Variants in EPHA6 observed in about 807,000 individuals in gnomAD.
EPHA6 encodes the protein EPH receptor A6.
EPHA6 carries 50 observed loss-of-function variants against 112.0 expected under a neutral mutation model. That is an observed-to-expected ratio of 0.45 (90% CI 0.36 to 0.56). EPHA6 has a LOEUF of 0.56. Ranked by LOEUF, EPHA6 falls within the 20% of genes least tolerant of loss-of-function variation. The pLI is 0.00. For synonymous variants in EPHA6, 529 were observed against 490.7 expected, an observed-to-expected ratio of 1.08 and a Z score of -1.03; for missense variants, 1,280 against 1,417.4, an observed-to-expected ratio of 0.90 and a Z score of 1.56.
At chr3:97,059,365 G>A (rs2045948521) in intron 3 of EPHA6, among the ~76,000 whole-genome samples, 1 of 152,064 alleles carries the variant, frequency 6.6e-6, no homozygotes, top group Admixed American at 6.5e-5. Flanking sequence ...AGACCCCTTA[G>A]GGCATTCCTG....
At chr3:97,170,426 T>C in intron 3 of EPHA6, among the ~76,000 whole-genome samples, 1 of 152,132 alleles carries the variant, frequency 6.6e-6, no homozygotes, top group Non-Finnish European at 1.5e-5. Context: ...AGTTTAAGGC[T>C]TGTGCTGAAA....
chr3:97,385,856 C>A (rs1559945100), intron 5 of EPHA6, among the ~76,000 whole-genome samples: 1 of 152,120 alleles, frequency 6.6e-6, no homozygotes, highest in Non-Finnish European at 1.5e-5. Context: ...GTTAAACAAC[C>A]AGATCTTGTG....
chr3:96,919,814 C>G lies in EPHA6; in HGVS notation c.450+52925C>G, dbSNP rs536186853. Among the ~76,000 whole-genome samples, 5 of 151,656 alleles carry G rather than the reference C, an allele frequency of 3.3e-5. No homozygotes were observed. The South Asian group carries it at 1.0e-3, about 32-fold the overall frequency. On this transcript the variant is annotated intron_variant, in intron 2 of 17. Transcript: ENST00000389672. ...TTCTTTATTTTTCATTCTGTTAGTT[C>G]CAAGTGTTATTTAACTTTACAGGAG...
chr3:96,910,346 G>A (rs541552380), intron 2 of EPHA6, among the ~76,000 whole-genome samples: 3 of 152,080 alleles, frequency 2.0e-5, no homozygotes, highest in South Asian at 4.1e-4. Context: ...TCCTTGCCTG[G>A]CAGTTGCCTG....
At chr3:97,612,588 A>G (rs999601285) in intron 13 of EPHA6, 3 of 220,162 alleles carry the variant, frequency 1.4e-5, no homozygotes, top group Admixed American at 1.0e-4. Flanking sequence ...TTTACTTCTA[A>G]ACATCTTACT....
intron 3 of EPHA6, among the ~76,000 whole-genome samples, chr3:97,130,853 T>C (rs1396540900): frequency 1.3e-5 from 2 of 152,162 alleles, no homozygotes; most frequent in East Asian, 3.8e-4. Flanking sequence ...TTCACCCTTA[T>C]TATAAACAAA....
intron 3 of EPHA6, among the ~76,000 whole-genome samples, chr3:97,215,610 C>CAA (rs11340632): frequency 5.4e-4 from 66 of 122,162 alleles, no homozygotes; most frequent in Middle Eastern, 4.7e-3. Context: ...AACTTTGTCT[C>CAA]AAAAAAAAAA....
At chr3:97,375,189 T>C (rs1175393943) in intron 5 of EPHA6, among the ~76,000 whole-genome samples, 1 of 152,138 alleles carries the variant, frequency 6.6e-6, no homozygotes, top group Non-Finnish European at 1.5e-5. Flanking sequence ...CTGGTCATCC[T>C]ATTACAAAGG....
chr3:96,900,000 G>C (rs1167355876), intron 2 of EPHA6, among the ~76,000 whole-genome samples: 15 of 152,210 alleles, frequency 9.9e-5, no homozygotes, highest in Non-Finnish European at 7.4e-5. Flanking sequence ...CTACTGGGAG[G>C]CTTTGATTTA....
At chr3:96,868,403 T>A (rs1414428863) in intron 2 of EPHA6, among the ~76,000 whole-genome samples, 1 of 151,874 alleles carries the variant, frequency 6.6e-6, no homozygotes, top group Non-Finnish European at 1.5e-5. Flanking sequence ...AAGAGGCTAC[T>A]GAAAATGCCA....
chr3:96,979,888 T>A (rs1196953245), intron 2 of EPHA6, among the ~76,000 whole-genome samples: 1 of 152,246 alleles, frequency 6.6e-6, no homozygotes, highest in Non-Finnish European at 1.5e-5. Flanking sequence ...ACCCACTTTT[T>A]GATGGGGTTG....
chr3:97,568,974 A>G (rs2093302590), intron 11 of EPHA6, among the ~76,000 whole-genome samples: 1 of 152,230 alleles, frequency 6.6e-6, no homozygotes, highest in African/African-American at 2.4e-5. Context: ...TGCTGAAGAC[A>G]GACCAGGGTA....
chr3:97,726,035 A>C (rs2034753377), intron 15 of EPHA6, among the ~76,000 whole-genome samples: 1 of 152,162 alleles, frequency 6.6e-6, no homozygotes, highest in Non-Finnish European at 1.5e-5. Flanking sequence ...TGTTTAATCA[A>C]TGGTAATAAT....
rs1005999775 is a variant in EPHA6 at position 97,757,569 on chromosome 3, A to AT, written c.*8875dup. Among the ~76,000 whole-genome samples, 16 of 151,638 alleles carry AT rather than the reference A, an allele frequency of 1.1e-4. No individual in the cohort carries two copies. Among genetic ancestry groups the AT allele is most frequent in the African/African-American group, 2.2e-4 (9 of 41,478 alleles). ...AAATTATCCCATGGATAATAAAGAG[A>AT]TTTTTTTCCAGCCATCATTAAATAT... On this transcript the variant is annotated 3_prime_UTR_variant, in exon 18 of 18. Coordinates refer to ENST00000389672, the MANE Select transcript of EPHA6 (RefSeq NM_001080448.3).
chr3:97,465,872 T>G (rs979968826), intron 7 of EPHA6, among the ~76,000 whole-genome samples: 1 of 152,072 alleles, frequency 6.6e-6, no homozygotes, highest in Non-Finnish European at 1.5e-5. Flanking sequence ...TTGGTGATAA[T>G]TAGTTTATAA....
intron 14 of EPHA6, among the ~76,000 whole-genome samples, chr3:97,718,725 T>G (rs945675476): frequency 1.3e-5 from 2 of 152,140 alleles, no homozygotes; most frequent in African/African-American, 4.8e-5. Context: ...TGGTGCTGCC[T>G]TTAACCTCTG....
Position 96,923,066 on chromosome 3 carries a change from G to A in EPHA6, c.450+56177G>A, listed in dbSNP as rs755010488. On this transcript the variant is annotated intron_variant, in intron 2 of 17. Coordinates refer to ENST00000389672, the MANE Select transcript of EPHA6 (RefSeq NM_001080448.3). ...TGATGAGCATTTAGGTTGATTCCAT[G>A]TCTTTGCTCTTGTGAATAGTGCTGC... is the stretch of plus-strand genomic sequence containing the variant. Among the ~76,000 whole-genome samples, 155 of 152,146 alleles carry A rather than the reference G, an allele frequency of 1.0e-3. 2 individuals are homozygous for A. The highest frequency in any genetic ancestry group is 3.1e-3 in the African/African-American group (127 of 41,504).
Position 97,665,942 on chromosome 3 carries a change from A to G in EPHA6, c.2784+27860A>G, listed in dbSNP as rs1166809251. Among the ~76,000 whole-genome samples the G allele has an allele frequency of 2.0e-5, 3 of 152,092 alleles. No homozygotes were observed. The East Asian group carries it at 5.8e-4, about 29-fold the overall frequency. On this transcript the variant is annotated intron_variant, in intron 14 of 17. Coordinates refer to ENST00000389672, the MANE Select transcript of EPHA6 (RefSeq NM_001080448.3). ...TGTGAGAGTGTGTGCCTGTAATCCC[A>G]GCTACTCAGGAGGCTGAGGCAGCAG...
chr3:97,016,857 T>C (rs1177266753), intron 3 of EPHA6, among the ~76,000 whole-genome samples: 1 of 152,220 alleles, frequency 6.6e-6, no homozygotes, highest in East Asian at 1.9e-4. Context: ...TATTTTGCCA[T>C]TTGTTCATGT....
Sources: gnomAD v4.1 joint callset for allele counts (sites outside exome capture counted in the v4.1 genomes callset) on GRCh38, gnomAD v4.1.1 for gene constraint, MANE v1.5 for transcripts, NCBI Gene and HGNC (gene_info 2026-07-23, HGNC 2026-07-21) for gene names.